The following WRN variants were observed in gnomAD, a reference collection of about 807,000 sequenced individuals.
WRN encodes the protein bifunctional 3'-5' exonuclease/ATP-dependent helicase WRN.
In WRN, 149 loss-of-function variants were observed where a neutral mutation model predicts 180.7. The ratio of observed to expected loss-of-function variants is 0.82; its 90% CI spans 0.72 to 0.94. WRN has a LOEUF of 0.94. Among genes scored for constraint, WRN ranks in the 40% least tolerant of loss-of-function variants. The pLI is 0.00. For missense variants in WRN, 1,661 were observed against 1,700.1 expected (o/e 0.98, Z 0.40); for synonymous variants, 548 against 568.9 (o/e 0.96, Z 0.52).
At chr8:31,140,916 T>C (rs1802597564) in intron 24 of WRN, among the ~76,000 whole-genome samples, 2 of 152,064 alleles carry the variant, frequency 1.3e-5, no homozygotes, top group African/African-American at 4.8e-5. Context: ...CCACAACACC[T>C]GGCTAATTTT....
intron 33 of WRN, among the ~76,000 whole-genome samples, chr8:31,163,157 T>A (rs1393799926): frequency 6.6e-6 from 1 of 152,222 alleles, no homozygotes; most frequent in African/African-American, 2.4e-5. Flanking sequence ...TGGGCATATG[T>A]TCCTGAATGT....
Position 31,068,149 on chromosome 8 carries a change from T to C in WRN, c.655-109T>C, listed in dbSNP as rs189748952. ...GTGTCACATAATAGGTTGAATTCCA[T>C]GTTTGGGTGCTTTGTGAATCATTCT... On this transcript the variant is annotated intron_variant, in intron 6 of 34. Coordinates refer to ENST00000298139, the MANE Select transcript of WRN (RefSeq NM_000553.6). 565 of 771,050 alleles carry C rather than the reference T, an allele frequency of 7.3e-4. 2 individuals are homozygous for C. Among genetic ancestry groups the C allele is most frequent in the Non-Finnish European group, 1.1e-3 (484 of 453,374 alleles). 47.8% of individuals were successfully genotyped at this position (771,050 alleles called of 1,614,324 possible). A position where few individuals can be genotyped will look rare whatever the true frequency, so the allele number is the denominator to read the frequency against.
In WRN at chr8:31,116,323, T is replaced by C. The variant is rs17847567; in HGVS notation, c.2274-31T>C. Reference sequence around the variant, plus strand: ...GTCTGAAGCATGTATAAAGTATATATGTTTGCTCTTTTGTTCTTCTTTTTC... The same window carrying C: ...GTCTGAAGCATGTATAAAGTATATACGTTTGCTCTTTTGTTCTTCTTTTTC... On this transcript the variant is annotated intron_variant, in intron 19 of 34. Transcript: ENST00000298139. The C allele has an allele frequency of 1.1e-3, 1,741 of 1,611,476 alleles. 41 individuals carry two copies. The East Asian group carries it at 0.035, about 33-fold the overall frequency.
chr8:31,094,161 T>C (rs1262820819), intron 16 of WRN, among the ~76,000 whole-genome samples: 1 of 152,206 alleles, frequency 6.6e-6, no homozygotes, highest in African/African-American at 2.4e-5. Flanking sequence ...TAACTTTCTT[T>C]TTTCTAATTG....
intron 29 of WRN, 103 bp from the exon 30 acceptor site, chr8:31,147,261 A>G: frequency 1.4e-6 from 2 of 1,455,874 alleles, no homozygotes; most frequent in Non-Finnish European, 9.6e-7. Context: ...ATTTCAGTTT[A>G]TATTCATTCT....
rs558282524 is a variant in WRN at position 31,046,948 on chromosome 8, C to T, written c.-76-11424C>T. Among the ~76,000 whole-genome samples the T allele has an allele frequency of 2.1e-3, 326 of 152,146 alleles. 2 individuals are homozygous for T. Among genetic ancestry groups the T allele is most frequent in the Middle Eastern group, 3.4e-3 (1 of 294 alleles). On this transcript the variant is annotated intron_variant, in intron 1 of 34. Transcript: ENST00000298139. ...TCATGTTACATAAACTTATCCTGTC[C>T]GAAAAGACTGTATTTGAACTTACTA...
chr8:31,087,602 A>G (rs1004454727), intron 11 of WRN, 174 bp from the exon 12 acceptor site: 1 of 608,554 alleles, frequency 1.6e-6, no homozygotes, highest in Non-Finnish European at 2.9e-6. Context: ...CTTAGAAACC[A>G]TTCATGAGCA....
At chr8:31,067,292 T>TA in intron 6 of WRN, 110 bp downstream of exon 6, 3 of 1,273,630 alleles carry the variant, frequency 2.4e-6, no homozygotes, top group Non-Finnish European at 3.3e-6. Context: ...CAAAATATTT[T>TA]ATATCAATTT....
At chr8:31,056,644 G>A (rs1019354738) in intron 1 of WRN, among the ~76,000 whole-genome samples, 2 of 152,106 alleles carry the variant, frequency 1.3e-5, no homozygotes, top group African/African-American at 4.8e-5. Flanking sequence ...ATTAGGACAC[G>A]TTGTAGTTTT....
chr8:31,073,240 A>G (rs1313353536), intron 7 of WRN, among the ~76,000 whole-genome samples: 1 of 152,252 alleles, frequency 6.6e-6, no homozygotes, highest in Non-Finnish European at 1.5e-5. Context: ...CCCAAGCAAT[A>G]GACAATAATT....
At chr8:31,123,267 C>T (rs1361471949) in intron 21 of WRN, among the ~76,000 whole-genome samples, 2 of 151,972 alleles carry the variant, frequency 1.3e-5, no homozygotes, top group Non-Finnish European at 2.9e-5. Flanking sequence ...TAAGAATGAC[C>T]CCAAAGCACA....
chr8:31,144,740 A>C (rs916405127), intron 28 of WRN, among the ~76,000 whole-genome samples: 1 of 152,236 alleles, frequency 6.6e-6, no homozygotes, highest in African/African-American at 2.4e-5. Flanking sequence ...GAAAGCTGAG[A>C]TAGGCCAAAA....
chr8:31,102,721 C>A (rs1197375955), intron 18 of WRN, among the ~76,000 whole-genome samples: 3 of 151,938 alleles, frequency 2.0e-5, no homozygotes, highest in African/African-American at 7.3e-5. Context: ...GAGGGAGTGG[C>A]GAGTGAATGT....
intron 13 of WRN, among the ~76,000 whole-genome samples, chr8:31,090,168 C>T (rs970464145): frequency 6.6e-6 from 1 of 150,538 alleles, no homozygotes; most frequent in African/African-American, 2.4e-5. Context: ...GAGCATTTCT[C>T]TTATTATTTT....
intron 16 of WRN, among the ~76,000 whole-genome samples, chr8:31,095,889 A>C (rs1156382783): frequency 6.6e-6 from 1 of 152,196 alleles, no homozygotes; most frequent in Non-Finnish European, 1.5e-5. Flanking sequence ...GCATGTCAGC[A>C]TCACCTTTTC....
At chr8:31,087,231 A>T (rs1054540318) in intron 11 of WRN, among the ~76,000 whole-genome samples, 37 of 152,314 alleles carry the variant, frequency 2.4e-4, no homozygotes, top group African/African-American at 8.9e-4. Flanking sequence ...AGAATGTCAG[A>T]TACTGTCAAG....
intron 31 of WRN, among the ~76,000 whole-genome samples, chr8:31,151,890 A>G (rs1217863535): frequency 6.9e-6 from 1 of 145,922 alleles, no homozygotes; most frequent in African/African-American, 2.5e-5. Flanking sequence ...CATGAGTTTC[A>G]TTAGCCTTTT....
At chr8:31,152,632 A>G (rs1259308780) in intron 31 of WRN, among the ~76,000 whole-genome samples, 1 of 152,186 alleles carries the variant, frequency 6.6e-6, no homozygotes. Context: ...TTACCTAAGC[A>G]CTCTTCAGAT....
intron 7 of WRN, 125 bp from the exon 8 acceptor site, chr8:31,076,046 CTT>C: frequency 1.3e-6 from 1 of 781,762 alleles, no homozygotes; most frequent in Non-Finnish European, 2.2e-6. Flanking sequence ...ATAAGAAGGT[CTT>C]TTTGTTGGAA....
Sources: allele counts gnomAD v4.1 joint callset (sites outside exome capture counted in the v4.1 genomes callset), GRCh38; gene constraint gnomAD v4.1.1; transcripts MANE v1.5; gene names NCBI Gene and HGNC (gene_info 2026-07-23, HGNC 2026-07-21).